DPYD: variants seen among roughly 807,000 people sequenced by gnomAD.
DPYD encodes the protein dihydropyrimidine dehydrogenase [NADP(+)].
A neutral mutation model predicts 116.2 loss-of-function variants in DPYD; 109 were observed. That is an observed-to-expected ratio of 0.94 (90% CI 0.80 to 1.10). DPYD has a LOEUF of 1.10. Among genes scored for constraint, DPYD ranks in the 50% least tolerant of loss-of-function variants. DPYD has a pLI of 0.00. For synonymous variants in DPYD, 440 were observed against 432.0 expected (o/e 1.02, Z -0.23); for missense variants, 1,302 against 1,254.5 (o/e 1.04, Z -0.57).
In DPYD at chr1:97,601,445, G is replaced by GA. The variant is rs199710552; in HGVS notation, c.851-6280dup. Among the ~76,000 whole-genome samples, 694 of 151,998 alleles carry GA rather than the reference G, an allele frequency of 4.6e-3. 9 individuals are homozygous for GA. Among genetic ancestry groups the GA allele is most frequent in the African/African-American group, 0.016 (649 of 41,484 alleles). ...TATACAGGATGTGTAAAAGTAGGTA[G>GA]AAAATCATAAATATATGCATCTATG... On this transcript the variant is annotated intron_variant, in intron 8 of 22. Transcript: ENST00000370192.
At chr1:97,495,589 A>C (rs1679215515) in intron 13 of DPYD, among the ~76,000 whole-genome samples, 1 of 152,068 alleles carries the variant, frequency 6.6e-6, no homozygotes, top group South Asian at 2.1e-4. Context: ...AAGTGCTGTA[A>C]GACAGTTTGT....
chr1:97,205,182 T>C (rs1041040367), intron 19 of DPYD, among the ~76,000 whole-genome samples: 5 of 152,104 alleles, frequency 3.3e-5, no homozygotes, highest in South Asian at 2.1e-4. Flanking sequence ...TCATAGTTTA[T>C]ATTAAGATTC....
At chr1:97,563,170 T>C (rs977103679) in intron 11 of DPYD, among the ~76,000 whole-genome samples, 1 of 152,218 alleles carries the variant, frequency 6.6e-6, no homozygotes, top group Admixed American at 6.5e-5. Context: ...CTATACTCTA[T>C]ATTATCATTT....
At chr1:97,835,019 T>C (rs908516709) in intron 2 of DPYD, among the ~76,000 whole-genome samples, 8 of 152,078 alleles carry the variant, frequency 5.3e-5, no homozygotes, top group African/African-American at 1.9e-4. Flanking sequence ...TCTTAACTAG[T>C]CTAATCCTTT....
chr1:97,557,469 C>T (rs938415018), intron 11 of DPYD, among the ~76,000 whole-genome samples: 5 of 151,854 alleles, frequency 3.3e-5, no homozygotes, highest in Admixed American at 6.6e-5. Flanking sequence ...GCGCTTGTCA[C>T]CACGCACAGC....
At chr1:97,281,708 T>C (rs1665334890) in intron 18 of DPYD, among the ~76,000 whole-genome samples, 1 of 152,002 alleles carries the variant, frequency 6.6e-6, no homozygotes, top group Non-Finnish European at 1.5e-5. Context: ...GAGAAATGTA[T>C]GGGATCCAGA....
chr1:97,560,036 C>T (rs2786537), intron 11 of DPYD, among the ~76,000 whole-genome samples: 2,651 of 152,200 alleles, frequency 0.017, 70 homozygotes, highest in African/African-American at 0.06. Flanking sequence ...AAATTAACTA[C>T]ATATGTAGTT....
chr1:97,433,751 T>G lies in DPYD; in HGVS notation c.1905+16308A>C, dbSNP rs141583213. On this transcript the variant is annotated intron_variant, in intron 14 of 22. Transcript: ENST00000370192. ...GCAGAGATTAGGCAACAACTGTGAG[T>G]CATAAAACATTTCATACAACTCTGC... is the stretch of plus-strand genomic sequence containing the variant. Among the ~76,000 whole-genome samples, 429 of 152,200 alleles carry G rather than the reference T, an allele frequency of 2.8e-3. 2 individuals carry two copies. The highest frequency in any genetic ancestry group is 9.9e-3 in the African/African-American group (410 of 41,530).
chr1:97,801,642 A>G (rs981054422), intron 3 of DPYD, among the ~76,000 whole-genome samples: 1 of 151,946 alleles, frequency 6.6e-6, no homozygotes, highest in African/African-American at 2.4e-5. Context: ...ATTTGAGGAA[A>G]GAACTGAAGG....
At chr1:97,290,095 TC>T (rs1666030027) in intron 18 of DPYD, among the ~76,000 whole-genome samples, 1 of 152,034 alleles carries the variant, frequency 6.6e-6, no homozygotes, top group Non-Finnish European at 1.5e-5. Context: ...CACAATTGCT[TC>T]AAAGAGAATA....
intron 3 of DPYD, among the ~76,000 whole-genome samples, chr1:97,759,921 G>A: frequency 6.6e-6 from 1 of 152,038 alleles, no homozygotes; most frequent in Non-Finnish European, 1.5e-5. Context: ...TGGATATATG[G>A]GACGTGATAA....
chr1:97,351,606 C>T (rs959463290), intron 16 of DPYD, among the ~76,000 whole-genome samples: 1 of 152,130 alleles, frequency 6.6e-6, no homozygotes, highest in South Asian at 2.1e-4. Context: ...GAAGACAGTA[C>T]ACTAACTTTT....
chr1:97,147,300 G>C (rs926919533), intron 20 of DPYD, among the ~76,000 whole-genome samples: 1 of 152,190 alleles, frequency 6.6e-6, no homozygotes, highest in African/African-American at 2.4e-5. Context: ...AGTGAGCTGA[G>C]ATCGCGCCAC....
chr1:97,151,122 A>G (rs1654979133), intron 20 of DPYD, among the ~76,000 whole-genome samples: 1 of 152,228 alleles, frequency 6.6e-6, no homozygotes, highest in Non-Finnish European at 1.5e-5. Context: ...ATGAGAAATC[A>G]TTACCTTCTC....
intron 20 of DPYD, 76 bp downstream of exon 20, chr1:97,192,993 T>C (rs1398454085): frequency 1.7e-5 from 25 of 1,486,536 alleles, no homozygotes; most frequent in Non-Finnish European, 3.7e-6. Flanking sequence ...AGTGAGAATG[T>C]GAGATGGTAA....
intron 14 of DPYD, among the ~76,000 whole-genome samples, chr1:97,439,866 T>C (rs535387674): frequency 2.6e-5 from 4 of 152,126 alleles, no homozygotes; most frequent in East Asian, 1.9e-4. Context: ...AATTTCCCCA[T>C]GAATAATGTT....
At chr1:97,416,905 C>G (rs1674320013) in intron 14 of DPYD, among the ~76,000 whole-genome samples, 1 of 152,088 alleles carries the variant, frequency 6.6e-6, no homozygotes, top group Non-Finnish European at 1.5e-5. Flanking sequence ...TAAAATATAG[C>G]CACACAAATA....
At chr1:97,901,273 G>A (rs563353235) in intron 1 of DPYD, among the ~76,000 whole-genome samples, 10 of 151,774 alleles carry the variant, frequency 6.6e-5, no homozygotes, top group Admixed American at 6.6e-5. Context: ...GCTAATATTA[G>A]TTTCATTTTA....
At chr1:97,490,354 G>T (rs1419174669) in intron 13 of DPYD, among the ~76,000 whole-genome samples, 1 of 146,726 alleles carries the variant, frequency 6.8e-6, no homozygotes, top group African/African-American at 2.5e-5. Context: ...ATATTACATA[G>T]TATATTATAT....
Sources: allele counts gnomAD v4.1 joint callset (sites outside exome capture counted in the v4.1 genomes callset), GRCh38; gene constraint gnomAD v4.1.1; transcripts MANE v1.5; gene names NCBI Gene and HGNC (gene_info 2026-07-23, HGNC 2026-07-21).